Variants in SORCS3 observed in about 807,000 individuals in gnomAD.
The protein encoded by SORCS3 is VPS10 domain-containing receptor SorCS3.
Under a neutral mutation model 146.3 loss-of-function variants are expected in SORCS3, and 57 were observed. The observed-to-expected ratio is 0.39, with a 90% CI of 0.31 to 0.49. SORCS3 has a LOEUF of 0.49. SORCS3 is among the 20% of genes least tolerant of loss of function. The probability of loss-of-function intolerance (pLI) is 0.92; values close to 1 mark genes in which losing one functional copy is unlikely to be tolerated. For synonymous variants in SORCS3, 653 were observed against 618.5 expected, an observed-to-expected ratio of 1.06 and a Z score of -0.83; for missense variants, 1,341 against 1,575.5, an observed-to-expected ratio of 0.85 and a Z score of 2.52.
intron 1 of SORCS3, among the ~76,000 whole-genome samples, chr10:104,690,118 A>G (rs1169144060): frequency 6.6e-6 from 1 of 152,122 alleles, no homozygotes; most frequent in Admixed American, 6.5e-5. Flanking sequence ...TCACTGAGGA[A>G]TTGAAGTTTC....
At chr10:105,155,496 C>T (rs990085696) in intron 9 of SORCS3, among the ~76,000 whole-genome samples, 4 of 152,172 alleles carry the variant, frequency 2.6e-5, no homozygotes, top group Non-Finnish European at 5.9e-5. Context: ...TGTGGCTAAA[C>T]AGAACACTGA....
At chr10:104,656,671 C>CA (rs1173014288) in intron 1 of SORCS3, among the ~76,000 whole-genome samples, 1 of 149,352 alleles carries the variant, frequency 6.7e-6, no homozygotes, top group Admixed American at 6.7e-5. Context: ...TAAAAAAAAA[C>CA]AAAAAGAAAA....
chr10:104,948,333 G>GTCAT (rs1394383620), intron 3 of SORCS3, among the ~76,000 whole-genome samples: 1 of 152,158 alleles, frequency 6.6e-6, no homozygotes, highest in Non-Finnish European at 1.5e-5. Context: ...AAATTAGTGG[G>GTCAT]TCATTACCAG....
At chr10:104,906,429 T>C (rs2018905850) in intron 2 of SORCS3, among the ~76,000 whole-genome samples, 1 of 152,216 alleles carries the variant, frequency 6.6e-6, no homozygotes. Flanking sequence ...ATAACACAGC[T>C]GCTGTTTGCC....
At chr10:104,681,045 C>T (rs79415430) in intron 1 of SORCS3, among the ~76,000 whole-genome samples, 1,884 of 152,352 alleles carry the variant, frequency 0.012, 41 homozygotes, top group African/African-American at 0.044. Flanking sequence ...CGGTTCCCCT[C>T]TCTCCCGGGA....
At chr10:104,803,092 G>A (rs2017642224) in intron 1 of SORCS3, among the ~76,000 whole-genome samples, 1 of 152,196 alleles carries the variant, frequency 6.6e-6, no homozygotes, top group Non-Finnish European at 1.5e-5. Flanking sequence ...CATGCATGCT[G>A]ATAGGGAGAC....
intron 4 of SORCS3, among the ~76,000 whole-genome samples, chr10:105,000,101 A>C (rs984966562): frequency 2.0e-5 from 3 of 152,152 alleles, no homozygotes; most frequent in African/African-American, 7.2e-5. Context: ...ACAAAATACA[A>C]CAAAATTAAA....
At chr10:105,138,716 C>T (rs1403287586) in intron 7 of SORCS3, among the ~76,000 whole-genome samples, 1 of 152,200 alleles carries the variant, frequency 6.6e-6, no homozygotes, top group Non-Finnish European at 1.5e-5. Flanking sequence ...TCTATCCTTT[C>T]ACAAGTGAGG....
intron 3 of SORCS3, among the ~76,000 whole-genome samples, chr10:104,931,980 T>C (rs1274428297): frequency 1.3e-5 from 2 of 152,080 alleles, no homozygotes; most frequent in Non-Finnish European, 2.9e-5. Context: ...CTCTGGACCT[T>C]TGGAGAGGAG....
At chr10:104,793,973 GA>G (rs1473948990) in intron 1 of SORCS3, among the ~76,000 whole-genome samples, 1 of 152,184 alleles carries the variant, frequency 6.6e-6, no homozygotes, top group African/African-American at 2.4e-5. Flanking sequence ...CAAAATTTAA[GA>G]GGCAGAGTGT....
rs1480586896 is a variant in SORCS3, at chr10:105,102,778, A to AC, written c.1094-2617dup. Among the ~76,000 whole-genome samples, 8 of 117,676 alleles carry AC rather than the reference A, an allele frequency of 6.8e-5. 1 individual carries two copies. Among genetic ancestry groups the AC allele is most frequent in the Non-Finnish European group, 7.0e-5 (4 of 57,270 alleles). 77.2% of individuals were successfully genotyped at this position (117,676 alleles called of 152,430 possible). ...TCTTTTATATTTAAATTACCTCTCA[A>AC]CCTTTTTTTTTTTTTTTTTTTTTTT... On this transcript the variant is annotated intron_variant, in intron 6 of 26. Coordinates refer to ENST00000369701, the MANE Select transcript of SORCS3 (RefSeq NM_014978.3).
intron 8 of SORCS3, among the ~76,000 whole-genome samples, chr10:105,143,086 C>A (rs7075467): frequency 0.51 from 77,012 of 151,872 alleles, 19,807 homozygotes; most frequent in Admixed American, 0.55. Context: ...GCCTGTACAT[C>A]CATCTATCCA....
At chr10:104,908,990 A>G (rs990949483) in intron 2 of SORCS3, among the ~76,000 whole-genome samples, 1 of 152,178 alleles carries the variant, frequency 6.6e-6, no homozygotes, top group African/African-American at 2.4e-5. Flanking sequence ...AGAAATCTTG[A>G]GAAGTTGTCT....
intron 1 of SORCS3, among the ~76,000 whole-genome samples, chr10:104,785,812 G>A (rs539101355): frequency 2.4e-4 from 36 of 152,292 alleles, no homozygotes; most frequent in Admixed American, 5.2e-4. Flanking sequence ...GTTAGTGAAC[G>A]TGAAGTTCCT....
intron 1 of SORCS3, among the ~76,000 whole-genome samples, chr10:104,737,526 C>T (rs2016788639): frequency 6.6e-6 from 1 of 152,076 alleles, no homozygotes; most frequent in African/African-American, 2.4e-5. Context: ...TCTCTGATGG[C>T]CAGTGATGGT....
chr10:104,679,355 A>T (rs2015945858), intron 1 of SORCS3, among the ~76,000 whole-genome samples: 1 of 152,204 alleles, frequency 6.6e-6, no homozygotes, highest in Non-Finnish European at 1.5e-5. Context: ...TGAAAGAGAA[A>T]TGAAGGGACC....
At chr10:104,740,669 A>G (rs1430500761) in intron 1 of SORCS3, among the ~76,000 whole-genome samples, 1 of 152,236 alleles carries the variant, frequency 6.6e-6, no homozygotes, top group African/African-American at 2.4e-5. Flanking sequence ...ATGGATTAAC[A>G]TTCATTGCAC....
chr10:104,838,172 C>A (rs535612100), intron 1 of SORCS3, among the ~76,000 whole-genome samples: 1 of 152,232 alleles, frequency 6.6e-6, no homozygotes, highest in South Asian at 2.1e-4. Flanking sequence ...ATTCTGGGGC[C>A]ATCAGCTGGA....
chr10:104,957,316 A>G (rs755199880), intron 3 of SORCS3, among the ~76,000 whole-genome samples: 13 of 152,170 alleles, frequency 8.5e-5, no homozygotes, highest in Non-Finnish European at 4.4e-5. Flanking sequence ...TTCAGCAATT[A>G]TAAATGGCAA....
Sources: gnomAD v4.1 joint callset for allele counts (sites outside exome capture counted in the v4.1 genomes callset) on GRCh38, gnomAD v4.1.1 for gene constraint, MANE v1.5 for transcripts, NCBI Gene and HGNC (gene_info 2026-07-23, HGNC 2026-07-21) for gene names.